Variants in SLC36A4 observed in about 807,000 individuals in gnomAD.
SLC36A4 encodes solute carrier family 36 member 4.
In SLC36A4, 49 loss-of-function variants were observed where a neutral mutation model predicts 50.5. That is an observed-to-expected ratio of 0.97 (90% CI 0.77 to 1.23). The LOEUF (loss-of-function observed/expected upper bound fraction) is 1.23. Among genes scored for constraint, SLC36A4 ranks in the 50% most tolerant of loss-of-function variants. SLC36A4 has a pLI of 0.00. For missense variants in SLC36A4, 611 were observed against 608.4 expected (o/e 1.00, Z -0.05); for synonymous variants, 207 against 206.5 (o/e 1.00, Z -0.02).
At chr11:93,160,581 A>C (rs1320907662) in intron 9 of SLC36A4, 4 of 985,390 alleles carry the variant, frequency 4.1e-6, no homozygotes, top group Non-Finnish European at 4.8e-6. Context: ...TGAGTTGTGA[A>C]TACCAAAAGC....
Position 93,168,180 on chromosome 11 carries a change from G to A in SLC36A4, c.541-9C>T, listed in dbSNP as rs2134661330. On this transcript the variant is annotated splice_polypyrimidine_tract_variant and intron_variant, in intron 6 of 10. Transcript: ENST00000326402. Reference sequence around the variant, plus strand: ...AGGAATCCTTCATGAACCTACATAGGATTACCAGGAGAATAAAGAAGGGGG... The same window carrying A: ...AGGAATCCTTCATGAACCTACATAGAATTACCAGGAGAATAAAGAAGGGGG... 2 of 1,547,894 alleles carry A rather than the reference G, an allele frequency of 1.3e-6. No individual in the cohort carries two copies. Among genetic ancestry groups the A allele is most frequent in the East Asian group, 2.3e-5 (1 of 44,228 alleles).
intron 9 of SLC36A4, chr11:93,160,071 G>C (rs1427979096): frequency 2.0e-6 from 2 of 985,212 alleles, no homozygotes; most frequent in Non-Finnish European, 1.2e-6. Context: ...TATTAAGAAA[G>C]AAATCTTAAA....
At chr11:93,166,439 T>C (rs1860870828) in intron 7 of SLC36A4, 2 of 987,102 alleles carry the variant, frequency 2.0e-6, no homozygotes, top group African/African-American at 3.5e-5. Flanking sequence ...GCTCTTTCAG[T>C]TCTCTAAGAT....
At chr11:93,184,101 T>C (rs891967073) in intron 3 of SLC36A4, among the ~76,000 whole-genome samples, 2 of 152,220 alleles carry the variant, frequency 1.3e-5, no homozygotes, top group Admixed American at 6.5e-5. Context: ...ATATATTTGT[T>C]GCTGTGATTA....
At chr11:93,182,714 C>A in intron 4 of SLC36A4, 92 bp downstream of exon 4, 2 of 847,448 alleles carry the variant, frequency 2.4e-6, no homozygotes, top group Admixed American at 2.8e-5. Context: ...AAAGCTTAAA[C>A]GAAATACAAA....
In SLC36A4 at chr11:93,148,429, A is replaced by C; in HGVS notation, c.*108T>G. ...CCAAAATATTAATATCGTGCCAAAG[A>C]AAACAGAGTTTGTTACCATTTTTAT... On this transcript the variant is annotated 3_prime_UTR_variant, in exon 11 of 11. Coordinates refer to ENST00000326402, the MANE Select transcript of SLC36A4 (RefSeq NM_152313.4). 1.0e-6 allele frequency: 1 copy of C among 985,384 alleles called. No homozygotes were observed. The highest frequency in any genetic ancestry group is 1.6e-5 in the African/African-American group (1 of 60,618). 61.0% of individuals were successfully genotyped at this position (985,384 alleles called of 1,614,324 possible). A position where few individuals can be genotyped will look rare whatever the true frequency, so the allele number is the denominator to read the frequency against.
chr11:93,189,284 G>T (rs935793083), intron 1 of SLC36A4, among the ~76,000 whole-genome samples: 2 of 151,924 alleles, frequency 1.3e-5, no homozygotes, highest in Non-Finnish European at 2.9e-5. Context: ...TGCTGGTCTC[G>T]AACTCCTAAC....
chr11:93,177,091 A>C (rs1326437070), intron 6 of SLC36A4, among the ~76,000 whole-genome samples: 1 of 152,154 alleles, frequency 6.6e-6, no homozygotes, highest in Non-Finnish European at 1.5e-5. Flanking sequence ...AGGTATACCA[A>C]ATCAGACGTA....
chr11:93,155,890 T>C (rs1860335538), intron 9 of SLC36A4, among the ~76,000 whole-genome samples: 1 of 152,202 alleles, frequency 6.6e-6, no homozygotes, highest in South Asian at 2.1e-4. Context: ...TCCATGTTCC[T>C]ACAAAGAACA....
rs781116179 is a variant in SLC36A4, at chr11:93,148,500, A to G, written c.*37T>C. On this transcript the variant is annotated 3_prime_UTR_variant, in exon 11 of 11. Transcript: ENST00000326402. ...CTAGTTATCTTGATAATTTTCAGAA[A>G]TGGGACAAAAATAGAAGACTCATGA... 1.8e-5 allele frequency: 28 copies of G among 1,555,718 alleles called. No individual in the cohort carries two copies. Among genetic ancestry groups the G allele is most frequent in the Admixed American group, 8.2e-5 (4 of 48,702 alleles).
intron 5 of SLC36A4, 86 bp from the exon 6 acceptor site, chr11:93,180,967 C>T: frequency 2.1e-6 from 2 of 942,362 alleles, no homozygotes; most frequent in Admixed American, 4.1e-5. Flanking sequence ...AGTTTTAAAA[C>T]ATTTTATTAT....
chr11:93,161,453 A>G (rs1714479953), intron 9 of SLC36A4, among the ~76,000 whole-genome samples: 2 of 152,220 alleles, frequency 1.3e-5, no homozygotes, highest in Non-Finnish European at 2.9e-5. Flanking sequence ...TGTAATTTAA[A>G]AATACAGACA....
intron 9 of SLC36A4, chr11:93,160,176 G>GTGACTATTATT (rs1271751057): frequency 8.1e-6 from 8 of 985,380 alleles, no homozygotes; most frequent in Non-Finnish European, 9.6e-6. Flanking sequence ...TTCCTCAGTT[G>GTGACTATTATT]TGACTATTAT....
intron 1 of SLC36A4, among the ~76,000 whole-genome samples, chr11:93,191,277 A>T (rs906490553): frequency 6.6e-6 from 1 of 152,114 alleles, no homozygotes; most frequent in African/African-American, 2.4e-5. Flanking sequence ...CTTAACTCTA[A>T]TTTTTTAGGA....
intron 10 of SLC36A4, 134 bp from the exon 11 acceptor site, chr11:93,148,978 T>C: frequency 3.0e-6 from 3 of 991,634 alleles, no homozygotes; most frequent in South Asian, 3.4e-5. Context: ...AAACTATTGC[T>C]TGTGAAAAAA....
chr11:93,162,867 T>G lies in SLC36A4; in HGVS notation c.876A>C (p.Pro292=), dbSNP rs1195096749. Residue 292 remains proline, a synonymous_variant, in exon 9 of 11, where the codon CCA becomes CCC. Transcript: ENST00000326402. The stretch of plus-strand genomic sequence containing the variant: ...TTGATTCTTTCATTTGGTTTTCCAG[T>G]GGAAGGACCTAAGAAAAGAATACAA... The part of the protein sequence containing the change: ...FAFEGIGVVL[P]LENQMKESKR... 6.2e-7 allele frequency: 1 copy of G among 1,611,654 alleles called. No individual in the cohort carries two copies.
At chr11:93,176,044 G>A (rs1861453184) in intron 6 of SLC36A4, among the ~76,000 whole-genome samples, 1 of 119,778 alleles carries the variant, frequency 8.3e-6, no homozygotes, top group Non-Finnish European at 1.7e-5. Flanking sequence ...TGTTGACAGT[G>A]GGGTGTTAAA....
chr11:93,161,563 G>T (rs1325516390), intron 9 of SLC36A4, among the ~76,000 whole-genome samples: 3 of 152,132 alleles, frequency 2.0e-5, no homozygotes, highest in Non-Finnish European at 4.4e-5. Flanking sequence ...CAACATTTTT[G>T]ACTCCAATAA....
rs759419023 is a variant in SLC36A4 at position 93,180,782 on chromosome 11, G to A, written c.540+15C>T. 3.8e-6 allele frequency: 6 copies of A among 1,577,498 alleles called. No individual in the cohort carries two copies. The East Asian group carries it at 9.0e-5, about 24-fold the overall frequency. On this transcript the variant is annotated intron_variant, in intron 6 of 10. Transcript: ENST00000326402. ...TAGAAGAAAATGATTTCACTAACTG[G>A]AGAAAAATACTCACTTGTTTCACAT...
Sources: allele counts gnomAD v4.1 joint callset (sites outside exome capture counted in the v4.1 genomes callset), GRCh38; gene constraint gnomAD v4.1.1; transcripts MANE v1.5; gene names NCBI Gene and HGNC (gene_info 2026-07-23, HGNC 2026-07-21).